The following TCP11L1 variants were observed in gnomAD, a reference collection of about 807,000 sequenced individuals.
The protein encoded by TCP11L1 is t-complex 11 like 1.
A neutral mutation model predicts 48.9 loss-of-function variants in TCP11L1; 28 were observed. That is an observed-to-expected ratio of 0.57 (90% CI 0.42 to 0.78). TCP11L1 has a LOEUF of 0.78. TCP11L1 is among the 30% of genes least tolerant of loss of function. The pLI, the probability that TCP11L1 is intolerant of heterozygous loss-of-function variation, is 0.00. For synonymous variants in TCP11L1, 204 were observed against 231.9 expected, an observed-to-expected ratio of 0.88 and a Z score of 1.09; for missense variants, 505 against 613.4, an observed-to-expected ratio of 0.82 and a Z score of 1.87.
In TCP11L1 at chr11:33,057,243, A is replaced by G. The variant is rs112829533; in HGVS notation, c.417+8A>G. The G allele has an allele frequency of 2.8e-4, 446 of 1,614,114 alleles. 1 individual carries two copies. The African/African-American group carries it at 5.3e-3, about 19-fold the overall frequency. ...GTAGGAGAAATCAAAGAGGTGAGGC[A>G]AAGAGTGAATTGTGATGCTTTTCTG... On this transcript the variant is annotated splice_region_variant and intron_variant, in intron 4 of 9. Coordinates refer to ENST00000334274, the MANE Select transcript of TCP11L1 (RefSeq NM_018393.4).
chr11:33,067,854 A>G (rs1170294740), intron 8 of TCP11L1, among the ~76,000 whole-genome samples: 1 of 149,814 alleles, frequency 6.7e-6, no homozygotes, highest in East Asian at 2.0e-4. Flanking sequence ...GTATCCAGGT[A>G]CTCTTTTTTT....
intron 4 of TCP11L1, among the ~76,000 whole-genome samples, 157 bp from the exon 5 acceptor site, chr11:33,057,762 G>A (rs574479507): frequency 6.6e-6 from 1 of 152,132 alleles, no homozygotes; most frequent in African/African-American, 2.4e-5. Flanking sequence ...TAAATGATTT[G>A]TAAACATGTT....
intron 7 of TCP11L1, among the ~76,000 whole-genome samples, chr11:33,062,328 A>G (rs1244078962): frequency 1.5e-5 from 2 of 131,704 alleles, no homozygotes; most frequent in Non-Finnish European, 3.2e-5. Context: ...CTGAAGCCAC[A>G]GATCTGCTTT....
chr11:33,058,242 A>G lies in TCP11L1; in HGVS notation c.638+103A>G, dbSNP rs538572184. 153 of 1,123,652 alleles carry G rather than the reference A, an allele frequency of 1.4e-4. 2 individuals carry two copies. The South Asian group carries it at 2.3e-3, about 17-fold the overall frequency. 69.6% of individuals were successfully genotyped at this position (1,123,652 alleles called of 1,614,324 possible). ...GAGACAGAGTCTCACTCTGTTGCAA[A>G]GGCTGGAGTGCAATGGCGTGATCTT... On this transcript the variant is annotated intron_variant, in intron 5 of 9. Transcript: ENST00000334274.
rs183028451 is a variant in TCP11L1, at chr11:33,054,819, G to A, written c.296+94G>A. 7.5e-5 allele frequency: 103 copies of A among 1,373,638 alleles called. No individual in the cohort carries two copies. The Admixed American group carries it at 2.2e-3, about 29-fold the overall frequency. 85.1% of individuals were successfully genotyped at this position (1,373,638 alleles called of 1,614,324 possible). ...TCAGTTGATACCAATATATTCAAAC[G>A]TATTTTTCCTTTTGTACATTATTGC... is the stretch of plus-strand genomic sequence containing the variant. On this transcript the variant is annotated intron_variant, in intron 3 of 9. Transcript: ENST00000334274.
At chr11:33,061,386 A>G (rs1854461244) in intron 6 of TCP11L1, 144 bp from the exon 7 acceptor site, 3 of 851,352 alleles carry the variant, frequency 3.5e-6, no homozygotes, top group Non-Finnish European at 5.1e-6. Flanking sequence ...TGGCACTACT[A>G]TGATTTGATC....
At chr11:33,060,959 T>C (rs1854449725) in intron 6 of TCP11L1, among the ~76,000 whole-genome samples, 1 of 151,852 alleles carries the variant, frequency 6.6e-6, no homozygotes, top group African/African-American at 2.4e-5. Context: ...TTTGTTACTA[T>C]TATTATTATT....
intron 1 of TCP11L1, chr11:33,040,096 G>A (rs1038882351): frequency 9.5e-6 from 1 of 105,614 alleles, no homozygotes; most frequent in Admixed American, 9.5e-5. Flanking sequence ...TCCCGGCGCC[G>A]GGGGACAGAG....
rs149628545 is a variant in TCP11L1, at chr11:33,047,498, A to G, written c.163+3562A>G. ...CAGTAAAAGATGCTATATTCAGATG[A>G]CAAACATCAATTGTTATTCCAGTTA... On this transcript the variant is annotated intron_variant, in intron 2 of 9. Coordinates refer to ENST00000334274, the MANE Select transcript of TCP11L1 (RefSeq NM_018393.4). Among the ~76,000 whole-genome samples, 5 of 152,368 alleles carry G rather than the reference A, an allele frequency of 3.3e-5. No individual in the cohort carries two copies. In the East Asian group the frequency reaches 9.6e-4, roughly 29 times the overall value.
Position 33,053,960 on chromosome 11 carries a change from C to T in TCP11L1, c.164-633C>T, listed in dbSNP as rs145240415. On this transcript the variant is annotated intron_variant, in intron 2 of 9. Transcript: ENST00000334274. ...CCTCCTGAGTAGCTGGGACTACAGG[C>T]ATGCACCACCATGCCCGGTTAGTTT... Among the ~76,000 whole-genome samples, 58 of 152,230 alleles carry T rather than the reference C, an allele frequency of 3.8e-4. 2 individuals are homozygous for T. In the East Asian group the frequency reaches 0.011, roughly 29 times the overall value.
In TCP11L1 at chr11:33,068,791, A is replaced by T; in HGVS notation, c.1259A>T (p.Lys420Met). The T allele has an allele frequency of 6.2e-7, 1 of 1,614,084 alleles. No homozygotes were observed. The highest frequency in any genetic ancestry group is 8.5e-7 in the Non-Finnish European group (1 of 1,179,994). The stretch of plus-strand genomic sequence containing the variant: ...GGGTCCTCTCCCTTCACCACGGACA[A>T]GGAGACCGTGCTCAAGGGCCAGATC... ...LCGSSPFTTD[K>M]ETVLKGQIQA... Residue 420 changes from lysine (K) to methionine (M), a missense_variant, in exon 9 of 10, where the codon AAG becomes ATG. Physicochemically the swap from Lys to Met is moderately conservative, Grantham distance 95. Transcript: ENST00000334274.
Position 33,072,746 on chromosome 11 carries a change from C to G in TCP11L1, c.*70C>G. 4 of 1,564,834 alleles carry G rather than the reference C, an allele frequency of 2.6e-6. No individual in the cohort carries two copies. Among genetic ancestry groups the G allele is most frequent in the South Asian group, 2.2e-5 (2 of 89,060 alleles). ...ATACCTGTTCTGTACTCTAATGTTG[C>G]ATTGGAAAATGGCTATATAGTACAT... On this transcript the variant is annotated 3_prime_UTR_variant, in exon 10 of 10. Transcript: ENST00000334274.
chr11:33,044,014 T>G (rs1487481300), intron 2 of TCP11L1, 78 bp downstream of exon 2: 2 of 1,411,166 alleles, frequency 1.4e-6, no homozygotes, highest in Non-Finnish European at 1.9e-6. Context: ...TCCTTGTGCA[T>G]GTGGCCGTGA....
chr11:33,041,668 T>G (rs961502919), intron 1 of TCP11L1, among the ~76,000 whole-genome samples: 3 of 152,194 alleles, frequency 2.0e-5, no homozygotes. Flanking sequence ...GAAGAATCCC[T>G]TGAACCTGGG....
In TCP11L1 at chr11:33,073,427, T is replaced by TGGAAAG. The variant is rs754606991; in HGVS notation, c.*751_*752insGGAAAG. The TGGAAAG allele has an allele frequency of 3.3e-5, 5 of 152,150 alleles. No homozygotes were observed. The highest frequency in any genetic ancestry group is 7.3e-5 in the Non-Finnish European group (5 of 68,028). The allele number at this position is 152,150 out of a possible 1,614,324, so 9.4% of individuals were successfully genotyped here. A position where few individuals can be genotyped will look rare whatever the true frequency, so the allele number is the denominator to read the frequency against. Reference sequence around the variant, plus strand: ...AAGGAAAGTCTTTGACTTTCAAGCCTTGAAAGTCAAGGAGGAAATGTATTG... The same window carrying TGGAAAG: ...AAGGAAAGTCTTTGACTTTCAAGCCTGGAAAGTGAAAGTCAAGGAGGAAATGTATTG... On this transcript the variant is annotated 3_prime_UTR_variant, in exon 10 of 10. Coordinates refer to ENST00000334274, the MANE Select transcript of TCP11L1 (RefSeq NM_018393.4).
chr11:33,047,413 A>G (rs1028054715), intron 2 of TCP11L1, among the ~76,000 whole-genome samples: 1 of 152,224 alleles, frequency 6.6e-6, no homozygotes, highest in Non-Finnish European at 1.5e-5. Flanking sequence ...TCTACTACTT[A>G]TACTTTAATG....
chr11:33,069,268 C>T lies in TCP11L1; in HGVS notation c.1327+409C>T, dbSNP rs1564989157. 2.6e-5 allele frequency among the ~76,000 whole-genome samples: 4 copies of T among 151,658 alleles called. No homozygotes were observed. The South Asian group carries it at 8.4e-4, about 32-fold the overall frequency. ...AGTGCTCAGTAAATAGGAGCTGTTA[C>T]GAAAAGAGCTGAATAGTAAAATGAA... is the stretch of plus-strand genomic sequence containing the variant. On this transcript the variant is annotated intron_variant, in intron 9 of 9. Transcript: ENST00000334274.
chr11:33,064,871 C>T (rs1371603026), intron 7 of TCP11L1, among the ~76,000 whole-genome samples: 1 of 152,196 alleles, frequency 6.6e-6, no homozygotes. Flanking sequence ...TAGTGCACTG[C>T]AGCCTCGAAA....
In TCP11L1 at chr11:33,054,615, A is replaced by G. The variant is rs771027314; in HGVS notation, c.186A>G (p.Thr62=). Residue 62 remains threonine, a synonymous_variant, in exon 3 of 10, where the codon ACA becomes ACG. Transcript: ENST00000334274. ...CAGCTAGTCCTCCTCGCTTTGTGAC[A>G]GTAGAAGAACTTCTAGAGACAGCGA... ...RPHSSPPRFV[T]VEELLETARG... 9 of 1,613,604 alleles carry G rather than the reference A, an allele frequency of 5.6e-6. No individual in the cohort carries two copies. Among genetic ancestry groups the G allele is most frequent in the East Asian group, 2.2e-5 (1 of 44,840 alleles).
Sources: allele counts gnomAD v4.1 joint callset (sites outside exome capture counted in the v4.1 genomes callset), GRCh38; gene constraint gnomAD v4.1.1; transcripts MANE v1.5; gene names NCBI Gene and HGNC (gene_info 2026-07-23, HGNC 2026-07-21).